The following MAML2 variants were observed in gnomAD, a reference collection of about 807,000 sequenced individuals.
The protein encoded by MAML2 is mastermind like transcriptional coactivator 2.
In MAML2, 22 loss-of-function variants were observed where a neutral mutation model predicts 96.1. The observed-to-expected ratio is 0.23, with a 90% confidence interval of 0.16 to 0.33. MAML2 has a LOEUF of 0.33. Ranked by LOEUF, MAML2 falls within the 10% of genes least tolerant of loss-of-function variation. MAML2 has a pLI of 1.00. For missense variants in MAML2, 1,367 were observed against 1,392.4 expected, an observed-to-expected ratio of 0.98 and a Z score of 0.29; for synonymous variants, 561 against 521.3, an observed-to-expected ratio of 1.08 and a Z score of -1.04.
chr11:96,273,214 C>T (rs1416556958), intron 1 of MAML2, among the ~76,000 whole-genome samples: 1 of 152,214 alleles, frequency 6.6e-6, no homozygotes, highest in Non-Finnish European at 1.5e-5. Context: ...AATCTGAATT[C>T]TGTACTGTTT....
intron 2 of MAML2, among the ~76,000 whole-genome samples, chr11:96,047,727 G>A (rs1858924198): frequency 6.6e-6 from 1 of 151,880 alleles, no homozygotes; most frequent in African/African-American, 2.4e-5. Flanking sequence ...TGGCCAAGAT[G>A]GTGAAACCCT....
chr11:96,121,779 G>GTTTTTT (rs1405872923), intron 1 of MAML2, among the ~76,000 whole-genome samples: 3 of 40,812 alleles, frequency 7.4e-5, no homozygotes, highest in Admixed American at 2.7e-4. Context: ...CCAACTGCGT[G>GTTTTTT]ATTTTTTTTT....
chr11:96,211,689 AG>A (rs1861974220), intron 1 of MAML2, among the ~76,000 whole-genome samples: 1 of 152,188 alleles, frequency 6.6e-6, no homozygotes, highest in South Asian at 2.1e-4. Flanking sequence ...AATGAATCAC[AG>A]GGGCCCACAG....
At chr11:95,990,694 C>A (rs187023187) in intron 3 of MAML2, among the ~76,000 whole-genome samples, 104 of 152,204 alleles carry the variant, frequency 6.8e-4, no homozygotes, top group African/African-American at 2.2e-3. Flanking sequence ...ACTTGTGATA[C>A]CCTGCATTTC....
chr11:96,179,935 G>C (rs1458884617), intron 1 of MAML2, among the ~76,000 whole-genome samples: 1 of 152,178 alleles, frequency 6.6e-6, no homozygotes, highest in Non-Finnish European at 1.5e-5. Flanking sequence ...CTAGCCACAA[G>C]GGCTCCAGAC....
chr11:96,120,294 G>T (rs1370202551), intron 1 of MAML2, among the ~76,000 whole-genome samples: 1 of 152,200 alleles, frequency 6.6e-6, no homozygotes, highest in Non-Finnish European at 1.5e-5. Flanking sequence ...GGATGCAACA[G>T]CTGAGTAGAG....
At chr11:96,077,954 G>T (rs1390931930) in intron 2 of MAML2, among the ~76,000 whole-genome samples, 1 of 152,202 alleles carries the variant, frequency 6.6e-6, no homozygotes, top group Non-Finnish European at 1.5e-5. Flanking sequence ...CCCTGGGAAT[G>T]AAGAGCTCTG....
At chr11:96,239,370 A>G (rs7113924) in intron 1 of MAML2, among the ~76,000 whole-genome samples, 13,798 of 152,194 alleles carry the variant, frequency 0.091, 1,445 homozygotes, top group African/African-American at 0.25. Flanking sequence ...ACCTGCCAAT[A>G]CCAGCACTTC....
chr11:96,228,934 T>C (rs1431339652), intron 1 of MAML2, among the ~76,000 whole-genome samples: 3 of 151,318 alleles, frequency 2.0e-5, no homozygotes, highest in Non-Finnish European at 4.4e-5. Context: ...TTTAAACTTA[T>C]TAGTTGTTTT....
chr11:96,068,645 G>A (rs933123280), intron 2 of MAML2, among the ~76,000 whole-genome samples: 2 of 152,036 alleles, frequency 1.3e-5, no homozygotes, highest in Admixed American at 6.6e-5. Context: ...TGGCTAACAC[G>A]GTGAAACCCC....
chr11:96,037,921 T>C (rs1940167), intron 2 of MAML2, among the ~76,000 whole-genome samples: 14,011 of 152,188 alleles, frequency 0.092, 944 homozygotes, highest in East Asian at 0.26. Context: ...TCACTAGATA[T>C]AGGCTAAAAT....
chr11:96,304,523 A>G (rs1377839457), intron 1 of MAML2, among the ~76,000 whole-genome samples: 1 of 152,216 alleles, frequency 6.6e-6, no homozygotes, highest in Non-Finnish European at 1.5e-5. Flanking sequence ...CCAAGGAGAG[A>G]GATGGTCCCC....
chr11:96,119,462 G>A (rs1021478404), intron 1 of MAML2, among the ~76,000 whole-genome samples: 1 of 152,212 alleles, frequency 6.6e-6, no homozygotes, highest in African/African-American at 2.4e-5. Flanking sequence ...CCAGAAGGAA[G>A]GCAGCCCGGC....
At chr11:96,148,667 C>CACAT (rs1860862364) in intron 1 of MAML2, among the ~76,000 whole-genome samples, 1 of 101,332 alleles carries the variant, frequency 9.9e-6, no homozygotes, top group African/African-American at 4.7e-5. Flanking sequence ...AATACACACA[C>CACAT]ACACACACAC....
chr11:96,198,639 G>C (rs1426840687), intron 1 of MAML2, among the ~76,000 whole-genome samples: 1 of 152,194 alleles, frequency 6.6e-6, no homozygotes, highest in Non-Finnish European at 1.5e-5. Flanking sequence ...TCTGTGAACA[G>C]ACAGAGTAGA....
At chr11:96,128,447 C>A (rs1860489446) in intron 1 of MAML2, among the ~76,000 whole-genome samples, 1 of 152,072 alleles carries the variant, frequency 6.6e-6, no homozygotes, top group South Asian at 2.1e-4. Context: ...AGAAGGAAGG[C>A]CTTTGTTTGT....
chr11:96,141,537 G>A (rs892791064), intron 1 of MAML2, among the ~76,000 whole-genome samples: 1 of 152,054 alleles, frequency 6.6e-6, no homozygotes, highest in Non-Finnish European at 1.5e-5. Flanking sequence ...TTTAAATGAG[G>A]AACCAAAGAG....
In MAML2 at chr11:96,015,279, T is replaced by C. The variant is rs575161230; in HGVS notation, c.2140-23556A>G. Among the ~76,000 whole-genome samples, 33 of 152,304 alleles carry C rather than the reference T, an allele frequency of 2.2e-4. No homozygotes were observed. The South Asian group carries it at 6.6e-3, about 31-fold the overall frequency. On this transcript the variant is annotated intron_variant, in intron 2 of 4. Coordinates refer to ENST00000524717, the MANE Select transcript of MAML2 (RefSeq NM_032427.4). ...TACATAACAGTACAGTTCAGTTATA[T>C]AGGATCTGCATTTGATATAGGAGTA...
At chr11:96,117,592 GCCC>G (rs1860266300) in intron 1 of MAML2, among the ~76,000 whole-genome samples, 1 of 152,146 alleles carries the variant, frequency 6.6e-6, no homozygotes, top group Admixed American at 6.5e-5. Context: ...GAGCCACCAT[GCCC>G]AGCACAAAGC....
Sources: gnomAD v4.1 joint callset for allele counts (sites outside exome capture counted in the v4.1 genomes callset) on GRCh38, gnomAD v4.1.1 for gene constraint, MANE v1.5 for transcripts, NCBI Gene and HGNC (gene_info 2026-07-23, HGNC 2026-07-21) for gene names.